Variants in MIA3 observed in about 807,000 individuals in gnomAD.
The protein encoded by MIA3 is MIA SH3 domain ER export factor 3, also known as transport and Golgi organization protein 1 homolog.
In MIA3, 90 loss-of-function variants were observed where a neutral mutation model predicts 192.4. The ratio of observed to expected loss-of-function variants is 0.47; its 90% CI spans 0.39 to 0.56. The LOEUF is 0.56. Ranked by LOEUF, MIA3 falls within the 20% of genes least tolerant of loss-of-function variation. MIA3 has a pLI of 0.00. For missense variants in MIA3, 2,123 were observed against 2,269.4 expected, an observed-to-expected ratio of 0.94 and a Z score of 1.31; for synonymous variants, 740 against 792.8, an observed-to-expected ratio of 0.93 and a Z score of 1.12.
rs758408300 is a variant in MIA3 at position 222,629,357 on chromosome 1, G to A, written c.2137G>A (p.Gly713Arg). ...GQTDQTDSTG[G>R]PAFLSKVEED... ...GACAGACCAAACTGACAGCACAGGA[G>A]GACCAGCTTTCCTTTCTAAAGTAGA... Residue 713 changes from glycine (G) to arginine (R), a missense_variant, in exon 4 of 28, where the codon GGA becomes AGA. Physicochemically the swap from Gly to Arg is moderately radical, Grantham distance 125. Transcript: ENST00000344922. 2.5e-6 allele frequency: 4 copies of A among 1,614,182 alleles called. No individual in the cohort carries two copies. Among genetic ancestry groups the A allele is most frequent in the Admixed American group, 1.7e-5 (1 of 60,012 alleles).
At chr1:222,646,612 G>A (rs1663160228) in intron 7 of MIA3, among the ~76,000 whole-genome samples, 1 of 151,120 alleles carries the variant, frequency 6.6e-6, no homozygotes. Context: ...CTTAGCCGGG[G>A]GTGGTGGCAG....
At chr1:222,623,181 C>G (rs572696939) in intron 2 of MIA3, among the ~76,000 whole-genome samples, 2 of 152,118 alleles carry the variant, frequency 1.3e-5, no homozygotes, top group Admixed American at 6.5e-5. Context: ...TCCTACCCCC[C>G]GCCCAAATGA....
At chr1:222,650,946 G>C in intron 11 of MIA3, 43 bp downstream of exon 11, 2 of 1,176,114 alleles carry the variant, frequency 1.7e-6, no homozygotes, top group Non-Finnish European at 2.5e-6. Flanking sequence ...TTTGGGTTTT[G>C]AACTCTTTTG....
intron 6 of MIA3, among the ~76,000 whole-genome samples, chr1:222,645,120 G>A (rs1360419534): frequency 6.6e-6 from 1 of 152,162 alleles, no homozygotes; most frequent in Non-Finnish European, 1.5e-5. Context: ...AACGTTATTT[G>A]TGATATTCAT....
intron 6 of MIA3, chr1:222,644,358 TTCAATCCCAGAG>T: frequency 6.7e-7 from 1 of 1,497,410 alleles, no homozygotes; most frequent in African/African-American, 1.4e-5. Flanking sequence ...GAAGGCGAAG[TTCAATCCCAGAG>T]TCCGCCCCCT....
intron 5 of MIA3, among the ~76,000 whole-genome samples, chr1:222,632,652 G>T (rs1662450957): frequency 6.6e-6 from 1 of 152,200 alleles, no homozygotes; most frequent in Admixed American, 6.5e-5. Flanking sequence ...CTCTGGGGGT[G>T]GAACCGGCAA....
chr1:222,665,197 C>CAAAAA (rs879011032), intron 27 of MIA3, 112 bp from the exon 28 acceptor site: 54 of 385,086 alleles, frequency 1.4e-4, no homozygotes, highest in African/African-American at 9.5e-4. Context: ...ACCCTGCCGC[C>CAAAAA]AAAAAAAAAA....
At chr1:222,646,864 G>A (rs1169769233) in intron 7 of MIA3, among the ~76,000 whole-genome samples, 1 of 152,160 alleles carries the variant, frequency 6.6e-6, no homozygotes, top group Non-Finnish European at 1.5e-5. Flanking sequence ...CATATAATGG[G>A]ATATTAGGCT....
chr1:222,626,038 T>A (rs1248741942), intron 3 of MIA3, among the ~76,000 whole-genome samples: 1 of 152,138 alleles, frequency 6.6e-6, no homozygotes, highest in Non-Finnish European at 1.5e-5. Flanking sequence ...TATATATATA[T>A]AAAAAACACC....
At chr1:222,641,976 C>T (rs1211498014) in intron 6 of MIA3, 2 of 359,992 alleles carry the variant, frequency 5.6e-6, no homozygotes, top group Admixed American at 7.6e-5. Flanking sequence ...AAAAAAAGAA[C>T]CATTATAGAT....
intron 26 of MIA3, among the ~76,000 whole-genome samples, chr1:222,663,220 C>T (rs1158804410): frequency 6.6e-6 from 1 of 152,164 alleles, no homozygotes; most frequent in African/African-American, 2.4e-5. Flanking sequence ...CATTGTTTCT[C>T]TTGGAAAATA....
chr1:222,644,282 G>A (rs574570466), intron 6 of MIA3: 6 of 1,395,782 alleles, frequency 4.3e-6, no homozygotes, highest in Non-Finnish European at 5.6e-6. Flanking sequence ...GCCTTGAGGT[G>A]CGCCAGGGGC....
chr1:222,664,331 G>C (rs1023663331), intron 27 of MIA3, among the ~76,000 whole-genome samples, 183 bp downstream of exon 27: 1 of 152,224 alleles, frequency 6.6e-6, no homozygotes, highest in Admixed American at 6.5e-5. Flanking sequence ...CCTGTGATTA[G>C]ATGGGCAATA....
chr1:222,643,907 G>C (rs1434101152), intron 6 of MIA3, among the ~76,000 whole-genome samples: 10 of 152,166 alleles, frequency 6.6e-5, no homozygotes, highest in Non-Finnish European at 1.5e-5. Flanking sequence ...CGCAATGGAG[G>C]TCTGGAGGCG....
intron 26 of MIA3, among the ~76,000 whole-genome samples, chr1:222,663,403 C>G (rs773490348): frequency 3.9e-5 from 6 of 152,124 alleles, no homozygotes; most frequent in Non-Finnish European, 7.4e-5. Flanking sequence ...GCCTTGGAGT[C>G]AAACCTGGCA....
At chr1:222,619,506 AGAGATAACCC>A in intron 1 of MIA3, among the ~76,000 whole-genome samples, 1 of 152,258 alleles carries the variant, frequency 6.6e-6, no homozygotes, top group Non-Finnish European at 1.5e-5. Flanking sequence ...AGCCATTCCT[AGAGATAACCC>A]TGTGGTTGAT....
Position 222,658,827 on chromosome 1 carries a change from A to G in MIA3, c.4709+4A>G, listed in dbSNP as rs779226534. On this transcript the variant is annotated splice_donor_region_variant and intron_variant, in intron 19 of 27. Coordinates refer to ENST00000344922, the MANE Select transcript of MIA3 (RefSeq NM_198551.4). ...CAGAGGAAGTAAAAACTTACAAGTA[A>G]GTTCACCTCCTAAAGAGGGTATCAG... 5 of 1,602,292 alleles carry G rather than the reference A, an allele frequency of 3.1e-6. No homozygotes were observed. The highest frequency in any genetic ancestry group is 4.3e-6 in the Non-Finnish European group (5 of 1,170,896).
chr1:222,661,510 T>C lies in MIA3; in HGVS notation c.5114-546T>C, dbSNP rs573140077. The C allele has an allele frequency of 2.6e-5, 4 of 154,448 alleles. No individual in the cohort carries two copies. The South Asian group carries it at 8.0e-4, about 31-fold the overall frequency. The allele number at this position is 154,448 out of a possible 1,614,324, so 9.6% of individuals were successfully genotyped here. ...TGTTATTGGTAAGGCTTCTGGTCAA[T>C]AGTAGGCTATTTACTAGTAGGTAGG... On this transcript the variant is annotated intron_variant, in intron 24 of 27. Coordinates refer to ENST00000344922, the MANE Select transcript of MIA3 (RefSeq NM_198551.4).
At position 222,666,040 on chromosome 1, in the gene MIA3, A is replaced by G. The variant is rs1320339439; in HGVS notation, c.*421A>G. On this transcript the variant is annotated 3_prime_UTR_variant, in exon 28 of 28. Transcript: ENST00000344922. ...AAGCGTTTTTTTAAACTATCTGGTC[A>G]CAAAGACTGTTACGCTAAAAATGTT... 6.5e-6 allele frequency: 1 copy of G among 153,808 alleles called. No homozygotes were observed. The highest frequency in any genetic ancestry group is 1.9e-4 in the East Asian group (1 of 5,248). The allele number at this position is 153,808 out of a possible 1,614,324, so 9.5% of individuals were successfully genotyped here. A position where few individuals can be genotyped will look rare whatever the true frequency, so the allele number is the denominator to read the frequency against.
Sources: allele counts gnomAD v4.1 joint callset (sites outside exome capture counted in the v4.1 genomes callset), GRCh38; gene constraint gnomAD v4.1.1; transcripts MANE v1.5; gene names NCBI Gene and HGNC (gene_info 2026-07-23, HGNC 2026-07-21).